Variants in ABTB3 observed in about 807,000 individuals in gnomAD.
ABTB3 encodes ankyrin repeat and BTB domain containing 3, also known as ankyrin repeat- and BTB/POZ domain-containing protein 3.
chr12:107,436,898 G>A, the ABTB3 span, among the ~76,000 whole-genome samples: 4 of 152,020 alleles, frequency 2.6e-5, no homozygotes, highest in African/African-American at 4.8e-5. Context: ...GGGGGTCCTG[G>A]TCTCATTTGA....
chr12:107,546,586 A>G, the ABTB3 span, among the ~76,000 whole-genome samples: 3 of 152,224 alleles, frequency 2.0e-5, no homozygotes, highest in Admixed American at 2.0e-4. Context: ...TCTACACGGT[A>G]TCCTTGCATG....
the ABTB3 span, among the ~76,000 whole-genome samples, chr12:107,388,405 T>C: frequency 6.6e-6 from 1 of 151,644 alleles, no homozygotes; most frequent in Non-Finnish European, 1.5e-5. Context: ...CTTCTTCTTT[T>C]CCTCTCCTCT....
the ABTB3 span, among the ~76,000 whole-genome samples, chr12:107,354,324 C>T: frequency 6.6e-6 from 1 of 152,270 alleles, no homozygotes; most frequent in Admixed American, 6.5e-5. Flanking sequence ...CATCATCACA[C>T]TCCATCTTAG....
the ABTB3 span, among the ~76,000 whole-genome samples, chr12:107,447,951 T>C: frequency 6.6e-6 from 1 of 152,186 alleles, no homozygotes. Context: ...GGTGTTTTAC[T>C]CTCCTTCCAA....
At chr12:107,352,410 A>C in the ABTB3 span, among the ~76,000 whole-genome samples, 1 of 152,146 alleles carries the variant, frequency 6.6e-6, no homozygotes, top group Non-Finnish European at 1.5e-5. Context: ...GAAAAAGAGG[A>C]TGCAGAAATA....
the ABTB3 span, among the ~76,000 whole-genome samples, chr12:107,432,416 GA>G: frequency 6.6e-6 from 1 of 152,214 alleles, no homozygotes; most frequent in African/African-American, 2.4e-5. Context: ...CTCCTTCGAA[GA>G]AACCAACCTC....
chr12:107,534,392 A>G, the ABTB3 span, among the ~76,000 whole-genome samples: 2 of 152,136 alleles, frequency 1.3e-5, no homozygotes, highest in Non-Finnish European at 2.9e-5. Context: ...TTAAGGAACT[A>G]GAAAAGCAAG....
chr12:107,464,779 T>C, the ABTB3 span, among the ~76,000 whole-genome samples: 1 of 152,174 alleles, frequency 6.6e-6, no homozygotes. Flanking sequence ...TGGTTCTCTA[T>C]CAAAGGCAGT....
At chr12:107,614,275 A>G in the ABTB3 span, among the ~76,000 whole-genome samples, 1 of 152,104 alleles carries the variant, frequency 6.6e-6, no homozygotes, top group Non-Finnish European at 1.5e-5. Flanking sequence ...ATCCTGAAAG[A>G]CCAATCTCAG....
the ABTB3 span, among the ~76,000 whole-genome samples, chr12:107,387,487 G>A: frequency 6.6e-6 from 1 of 152,316 alleles, no homozygotes; most frequent in South Asian, 2.1e-4. Context: ...TCCAGGCAAA[G>A]TCTTTGCCAG....
At chr12:107,406,192 T>A in the ABTB3 span, among the ~76,000 whole-genome samples, 1 of 152,192 alleles carries the variant, frequency 6.6e-6, no homozygotes, top group Non-Finnish European at 1.5e-5. Flanking sequence ...TGGCTTCACA[T>A]ACGAAGTGCT....
chr12:107,595,288 G>A, the ABTB3 span, among the ~76,000 whole-genome samples: 5 of 152,168 alleles, frequency 3.3e-5, no homozygotes, highest in Non-Finnish European at 1.5e-5. Flanking sequence ...GTCAGAAGCT[G>A]TTATATGGGA....
chr12:107,412,192 A>G, the ABTB3 span, among the ~76,000 whole-genome samples: 2 of 152,170 alleles, frequency 1.3e-5, no homozygotes, highest in South Asian at 4.1e-4. Context: ...CTGTGCTAAT[A>G]CTGTCTATAT....
chr12:107,461,398 A>G, the ABTB3 span, among the ~76,000 whole-genome samples: 1 of 152,198 alleles, frequency 6.6e-6, no homozygotes, highest in Non-Finnish European at 1.5e-5. Flanking sequence ...ACGTGATGAC[A>G]GAGGCAGAGA....
At chr12:107,369,348 C>T in the ABTB3 span, among the ~76,000 whole-genome samples, 1 of 150,968 alleles carries the variant, frequency 6.6e-6, no homozygotes, top group Admixed American at 6.6e-5. Flanking sequence ...CTTTCCCCAT[C>T]AAGATGAGAT....
At chr12:107,615,831 C>T in the ABTB3 span, among the ~76,000 whole-genome samples, 1 of 152,198 alleles carries the variant, frequency 6.6e-6, no homozygotes, top group African/African-American at 2.4e-5. Flanking sequence ...TAAGCTTGAT[C>T]TTTACTTCAT....
the ABTB3 span, among the ~76,000 whole-genome samples, chr12:107,518,417 G>A: frequency 6.6e-6 from 1 of 152,098 alleles, no homozygotes; most frequent in Non-Finnish European, 1.5e-5. Context: ...TATACACTAT[G>A]CAGCCATAAA....
At chr12:107,380,595 A>G in the ABTB3 span, among the ~76,000 whole-genome samples, 4 of 152,184 alleles carry the variant, frequency 2.6e-5, no homozygotes, top group African/African-American at 4.8e-5. Context: ...TTTACCTAGC[A>G]TCTACTGAAC....
At chr12:107,524,086 A>G in the ABTB3 span, among the ~76,000 whole-genome samples, 2 of 152,234 alleles carry the variant, frequency 1.3e-5, no homozygotes, top group Admixed American at 6.5e-5. Context: ...GCTGCTTGCC[A>G]CATAAATTGT....
Sources: allele counts gnomAD v4.1 joint callset (sites outside exome capture counted in the v4.1 genomes callset), GRCh38; gene constraint gnomAD v4.1.1; transcripts MANE v1.5; gene names NCBI Gene and HGNC (gene_info 2026-07-23, HGNC 2026-07-21).